LZTS1: variants seen among roughly 807,000 people sequenced by gnomAD.
LZTS1 encodes leucine zipper putative tumor suppressor 1.
In LZTS1, 31 loss-of-function variants were observed where a neutral mutation model predicts 45.8. The ratio of observed to expected loss-of-function variants is 0.68; its 90% confidence interval spans 0.51 to 0.91. The LOEUF (loss-of-function observed/expected upper bound fraction) is 0.91. Ranked by LOEUF, LZTS1 falls within the 40% of genes least tolerant of loss-of-function variation. The pLI, the probability that LZTS1 is intolerant of heterozygous loss-of-function variation, is 0.00. For synonymous variants in LZTS1, 359 were observed against 357.3 expected (o/e 1.00, Z -0.05); for missense variants, 821 against 788.9 (o/e 1.04, Z -0.49).
At chr8:20,267,751 A>G (rs1800390958) in intron 1 of LZTS1, among the ~76,000 whole-genome samples, 1 of 152,006 alleles carries the variant, frequency 6.6e-6, no homozygotes, top group Non-Finnish European at 1.5e-5. Context: ...TCTTGACCTC[A>G]TGATCCACCC....
At chr8:20,274,288 G>A (rs1532445) in intron 1 of LZTS1, among the ~76,000 whole-genome samples, 81,955 of 152,052 alleles carry the variant, frequency 0.54, 23,181 homozygotes, top group Middle Eastern at 0.64. Flanking sequence ...TTTATGCATC[G>A]TATTTTATTT....
intron 1 of LZTS1, among the ~76,000 whole-genome samples, chr8:20,283,550 C>T (rs774043529): frequency 1.4e-4 from 22 of 152,114 alleles, no homozygotes; most frequent in South Asian, 4.1e-4. Flanking sequence ...TTCTGGAAAC[C>T]CGGAGAGGGA....
intron 1 of LZTS1, among the ~76,000 whole-genome samples, chr8:20,279,119 G>A (rs1800638161): frequency 6.6e-6 from 1 of 152,114 alleles, no homozygotes; most frequent in Non-Finnish European, 1.5e-5. Flanking sequence ...ATCCTTCAAG[G>A]TCCAGCTCAA....
chr8:20,297,120 T>C (rs964474104), intron 1 of LZTS1, among the ~76,000 whole-genome samples: 6 of 152,182 alleles, frequency 3.9e-5, no homozygotes, highest in Admixed American at 3.3e-4. Flanking sequence ...ACAAATTGCT[T>C]GAGCTACCAG....
Position 20,246,878 on chromosome 8 carries a change from CAGGAAGCCCA to C in LZTS1, c.*2834_*2843del, listed in dbSNP as rs1799745082. On this transcript the variant is annotated 3_prime_UTR_variant, in exon 4 of 4. Transcript: ENST00000381569. ...CAGCAGGCGTGCCCAGAGGGAAGGGCAGGAAGCCCACCCTGTCTGGGGCCTGGGGCCAGGC... is the reference window on the plus strand; with the variant it reads ...CAGCAGGCGTGCCCAGAGGGAAGGGCCCCTGTCTGGGGCCTGGGGCCAGGC... 6.6e-6 allele frequency: 1 copy of C among 152,180 alleles called. No individual in the cohort carries two copies. Among genetic ancestry groups the C allele is most frequent in the Admixed American group, 6.5e-5 (1 of 15,268 alleles). 9.4% of individuals were successfully genotyped at this position (152,180 alleles called of 1,614,324 possible). A position where few individuals can be genotyped will look rare whatever the true frequency, so the allele number is the denominator to read the frequency against.
intron 1 of LZTS1, among the ~76,000 whole-genome samples, chr8:20,297,638 A>G (rs945502079): frequency 1.3e-5 from 2 of 151,962 alleles, no homozygotes; most frequent in Non-Finnish European, 2.9e-5. Context: ...CTTGTCTGGA[A>G]CTCCTGACCT....
At position 20,253,146 on chromosome 8, in the gene LZTS1, C is replaced by A; in HGVS notation, c.785G>T (p.Ser262Ile). 1 of 1,613,190 alleles carries A rather than the reference C, an allele frequency of 6.2e-7. No homozygotes were observed. Among genetic ancestry groups the A allele is most frequent in the South Asian group, 1.1e-5 (1 of 91,090 alleles). The change falls in exon 3 of 4, where the codon AGC (serine) becomes ATC (isoleucine). Residue 262 changes from serine (S) to isoleucine (I), a missense_variant. Ser to Ile is a moderately radical substitution (Grantham distance 142). Transcript: ENST00000381569. ...CAGCTTCTGCTCCAGCTCCTGGATG[C>A]TGCACTCGTCCGTGGAGATGGGGGA... ...VRSPISTDEC[S>I]IQELEQKLLE...
chr8:20,271,275 A>C (rs976442945), intron 1 of LZTS1, among the ~76,000 whole-genome samples: 2 of 152,034 alleles, frequency 1.3e-5, no homozygotes, highest in Non-Finnish European at 2.9e-5. Flanking sequence ...AGAGCCTCAC[A>C]TTTAGCCCAG....
In LZTS1 at chr8:20,253,568, T is replaced by C; in HGVS notation, c.363A>G (p.Ala121=). 1 of 1,465,958 alleles carries C rather than the reference T, an allele frequency of 6.8e-7. No homozygotes were observed. Among genetic ancestry groups the C allele is most frequent in the Non-Finnish European group, 9.0e-7 (1 of 1,110,712 alleles). 90.8% of individuals were successfully genotyped at this position (1,465,958 alleles called of 1,614,324 possible). The change falls in exon 3 of 4, where the codon GCA becomes GCG. Residue 121 remains alanine (A), a synonymous_variant. Transcript: ENST00000381569. The part of the protein sequence containing the change: ...NQLEMGSEKG[A]VRPTAFKPVL... Reference sequence around the variant, plus strand: ...CAGGCTTGAAGGCTGTGGGCCTCACTGCACCCTTCTCGGAGCCCTGTAGAG... The same window carrying C: ...CAGGCTTGAAGGCTGTGGGCCTCACCGCACCCTTCTCGGAGCCCTGTAGAG...
At chr8:20,263,375 G>T (rs2128894713) in intron 1 of LZTS1, among the ~76,000 whole-genome samples, 1 of 151,682 alleles carries the variant, frequency 6.6e-6, no homozygotes, top group East Asian at 1.9e-4. Context: ...TTTAATGAGA[G>T]CTGTCAACCC....
At chr8:20,276,510 G>A (rs909186584) in intron 1 of LZTS1, among the ~76,000 whole-genome samples, 3 of 152,334 alleles carry the variant, frequency 2.0e-5, no homozygotes, top group East Asian at 3.9e-4. Context: ...GGAGGGTGGC[G>A]TGCCCAGAGA....
intron 1 of LZTS1, among the ~76,000 whole-genome samples, chr8:20,278,193 T>C (rs1226089762): frequency 1.3e-5 from 2 of 152,178 alleles, no homozygotes; most frequent in Admixed American, 6.5e-5. Context: ...AGCAGCTTCC[T>C]GATAAGATCT....
chr8:20,249,797 G>A lies in LZTS1; in HGVS notation c.1716C>T (p.Ser572=), dbSNP rs1168753207. Residue 572 remains serine, a synonymous_variant, in exon 4 of 4, where the codon AGC becomes AGT. Transcript: ENST00000381569. ...KALQQLARGD[S]AGEPLEVDLE... ...GGTCAACCTCCAAGGGCTCCCCGGC[G>A]CTGTCCCCACGTGCCAGCTGCTGCA... The A allele has an allele frequency of 2.0e-5, 33 of 1,613,896 alleles. No individual in the cohort carries two copies. Among genetic ancestry groups the A allele is most frequent in the African/African-American group, 2.7e-5 (2 of 74,948 alleles).
At chr8:20,282,070 C>G (rs1800703626) in intron 1 of LZTS1, among the ~76,000 whole-genome samples, 1 of 152,162 alleles carries the variant, frequency 6.6e-6, no homozygotes, top group African/African-American at 2.4e-5. Context: ...CACCACCAAG[C>G]CTTCCAAGAC....
intron 3 of LZTS1, among the ~76,000 whole-genome samples, chr8:20,251,100 T>TAC (rs1194752204): frequency 4.2e-3 from 34 of 8,158 alleles, no homozygotes; most frequent in African/African-American, 0.026. Flanking sequence ...TGAGGGCTAA[T>TAC]ATATATATAT....
intron 1 of LZTS1, among the ~76,000 whole-genome samples, chr8:20,280,680 A>G (rs1354567692): frequency 6.6e-6 from 1 of 152,182 alleles, no homozygotes; most frequent in African/African-American, 2.4e-5. Context: ...ACAGCAGAGC[A>G]GGGAGGGAGG....
rs1799825958 is a variant in LZTS1, at chr8:20,249,617, G to T, written c.*105C>A. Reference sequence around the variant, plus strand: ...GGGGGTCCTGGGTCTGTGTCCCAGGGAGTGGCGTCTCTCAGAGGGGTCTGA... The same window carrying T: ...GGGGGTCCTGGGTCTGTGTCCCAGGTAGTGGCGTCTCTCAGAGGGGTCTGA... On this transcript the variant is annotated 3_prime_UTR_variant, in exon 4 of 4. Transcript: ENST00000381569. 1 of 1,391,422 alleles carries T rather than the reference G, an allele frequency of 7.2e-7. No individual in the cohort carries two copies. 86.2% of individuals were successfully genotyped at this position (1,391,422 alleles called of 1,614,324 possible).
At chr8:20,273,960 G>C (rs1800525416) in intron 1 of LZTS1, among the ~76,000 whole-genome samples, 1 of 151,878 alleles carries the variant, frequency 6.6e-6, no homozygotes, top group South Asian at 2.1e-4. Flanking sequence ...TTCTGAGACT[G>C]GAGTTTGTAA....
In LZTS1 at chr8:20,303,917, C is replaced by G. The variant is rs1400775019; in HGVS notation, c.-312G>C. 4 of 984,008 alleles carry G rather than the reference C, an allele frequency of 4.1e-6. No individual in the cohort carries two copies. In the African/African-American group the frequency reaches 5.3e-5, roughly 13 times the overall value. The allele number at this position is 984,008 out of a possible 1,614,324, so 61.0% of individuals were successfully genotyped here. A position where few individuals can be genotyped will look rare whatever the true frequency, so the allele number is the denominator to read the frequency against. On this transcript the variant is annotated 5_prime_UTR_variant, in exon 1 of 4. Coordinates refer to ENST00000381569, the MANE Select transcript of LZTS1 (RefSeq NM_021020.5). ...CGGGCAGAGAAACTTTCGGCCTCCC[C>G]GCCCGGCCGCTGCCAACCCGCCAGC... is the stretch of plus-strand genomic sequence containing the variant.
Sources: gnomAD v4.1 joint callset for allele counts (sites outside exome capture counted in the v4.1 genomes callset) on GRCh38, gnomAD v4.1.1 for gene constraint, MANE v1.5 for transcripts, NCBI Gene and HGNC (gene_info 2026-07-23, HGNC 2026-07-21) for gene names.